Variants in NELL2 observed in about 807,000 individuals in gnomAD.
NELL2 encodes protein kinase C-binding protein NELL2.
Under a neutral mutation model 109.6 loss-of-function variants are expected in NELL2, and 41 were observed. That is an observed-to-expected ratio of 0.37 (90% confidence interval 0.29 to 0.49). NELL2 has a LOEUF of 0.49. Ranked by LOEUF, NELL2 falls within the 20% of genes least tolerant of loss-of-function variation. NELL2 has a pLI of 0.98. For synonymous variants in NELL2, 355 were observed against 344.7 expected (o/e 1.03, Z -0.33); for missense variants, 900 against 1,008.3 (o/e 0.89, Z 1.45).
intron 15 of NELL2, among the ~76,000 whole-genome samples, chr12:44,562,079 T>C (rs983266891): frequency 3.0e-4 from 46 of 152,190 alleles, no homozygotes; most frequent in Non-Finnish European, 2.4e-4. Flanking sequence ...GACTCCCTAT[T>C]TAATAAATGG....
At chr12:44,514,084 T>A (rs1941138949) in intron 19 of NELL2, among the ~76,000 whole-genome samples, 1 of 151,836 alleles carries the variant, frequency 6.6e-6, no homozygotes, top group Non-Finnish European at 1.5e-5. Context: ...AAATGATCAC[T>A]GTATCAGAAA....
intron 2 of NELL2, among the ~76,000 whole-genome samples, chr12:44,837,382 C>T (rs1371098675): frequency 6.6e-6 from 1 of 152,126 alleles, no homozygotes; most frequent in Non-Finnish European, 1.5e-5. Context: ...TAAAATGTCT[C>T]CAGACAATGC....
Position 44,866,000 on chromosome 12 carries a change from T to C in NELL2, c.184+9225A>G, listed in dbSNP as rs183705178. ...GTGGGGCCTTTTGGAAAGTCATGAG[T>C]GATCCACTTTCATGAATAAGATTAA... On this transcript the variant is annotated intron_variant, in intron 2 of 19. Transcript: ENST00000429094. Among the ~76,000 whole-genome samples, 4 of 152,020 alleles carry C rather than the reference T, an allele frequency of 2.6e-5. No individual in the cohort carries two copies. The South Asian group carries it at 6.2e-4, about 24-fold the overall frequency.
intron 11 of NELL2, among the ~76,000 whole-genome samples, chr12:44,710,410 A>G (rs1938132938): frequency 6.6e-6 from 1 of 152,142 alleles, no homozygotes. Context: ...CATACTAAGT[A>G]TTAAGGATAT....
At chr12:44,754,607 T>C (rs1427971476) in intron 9 of NELL2, among the ~76,000 whole-genome samples, 1 of 152,174 alleles carries the variant, frequency 6.6e-6, no homozygotes, top group Non-Finnish European at 1.5e-5. Flanking sequence ...CCTAGAAGCA[T>C]CACTACTGTT....
In NELL2 at chr12:44,705,809, C is replaced by A. The variant is rs191813295; in HGVS notation, c.1190-1955G>T. Among the ~76,000 whole-genome samples, 356 of 152,312 alleles carry A rather than the reference C, an allele frequency of 2.3e-3. 1 individual carries two copies. The highest frequency in any genetic ancestry group is 8.3e-3 in the African/African-American group (343 of 41,562). ...AAAGCTCTAACACAGTGCTAAATTT[C>A]TGCATAATTTTGCCTGTACTGTTTC... On this transcript the variant is annotated intron_variant, in intron 11 of 19. Transcript: ENST00000429094.
In NELL2 at chr12:44,508,433, A is replaced by G. The variant is rs1421002707; in HGVS notation, c.*501T>C. 1 of 152,722 alleles carries G rather than the reference A, an allele frequency of 6.5e-6. No individual in the cohort carries two copies. The highest frequency in any genetic ancestry group is 1.5e-5 in the Non-Finnish European group (1 of 68,130). The allele number at this position is 152,722 out of a possible 1,614,324, so 9.5% of individuals were successfully genotyped here. A position where few individuals can be genotyped will look rare whatever the true frequency, so the allele number is the denominator to read the frequency against. On this transcript the variant is annotated 3_prime_UTR_variant, in exon 20 of 20. Transcript: ENST00000429094. ...GTAACCATGCCTGTGCATTATTTTT[A>G]TCATTACAATAACTTGTTTCAGATT...
chr12:44,884,575 A>G (rs1175474198), intron 1 of NELL2, among the ~76,000 whole-genome samples: 1 of 152,088 alleles, frequency 6.6e-6, no homozygotes, highest in African/African-American at 2.4e-5. Context: ...AGACAAAGAC[A>G]GTTACATAAC....
chr12:44,674,032 G>C (rs1324999565), intron 12 of NELL2, among the ~76,000 whole-genome samples: 4 of 152,054 alleles, frequency 2.6e-5, no homozygotes, highest in African/African-American at 7.2e-5. Flanking sequence ...ATTCTAGCTG[G>C]AGAAAATAAC....
chr12:44,600,233 T>G (rs1418888693), intron 15 of NELL2, among the ~76,000 whole-genome samples: 2 of 150,576 alleles, frequency 1.3e-5, no homozygotes, highest in Admixed American at 6.6e-5. Context: ...ATGGTCTGGA[T>G]CTCCGGACCT....
chr12:44,547,380 C>T (rs773108606), intron 15 of NELL2, among the ~76,000 whole-genome samples: 4 of 152,056 alleles, frequency 2.6e-5, no homozygotes, highest in East Asian at 1.9e-4. Flanking sequence ...TAAAATGCTT[C>T]GGAAAATTCT....
At chr12:44,534,766 C>T (rs909323753) in intron 15 of NELL2, among the ~76,000 whole-genome samples, 8 of 151,972 alleles carry the variant, frequency 5.3e-5, no homozygotes, top group African/African-American at 1.2e-4. Context: ...TAGAGTCATT[C>T]GTTTTAGAAG....
intron 1 of NELL2, among the ~76,000 whole-genome samples, chr12:44,921,156 A>ATC (rs1945865357): frequency 6.6e-6 from 1 of 152,154 alleles, no homozygotes; most frequent in African/African-American, 2.4e-5. Context: ...GATTATTTAT[A>ATC]TCTATTTGGG....
intron 12 of NELL2, among the ~76,000 whole-genome samples, chr12:44,675,450 T>C (rs73100320): frequency 0.011 from 1,716 of 152,290 alleles, 18 homozygotes; most frequent in Non-Finnish European, 0.019. Context: ...GTGTTTCTTA[T>C]ACTTGAACAG....
intron 13 of NELL2, among the ~76,000 whole-genome samples, chr12:44,623,492 T>A (rs1375914180): frequency 6.6e-6 from 1 of 152,144 alleles, no homozygotes. Context: ...CATATTTTTT[T>A]AAAGAATTTA....
intron 9 of NELL2, among the ~76,000 whole-genome samples, chr12:44,751,928 A>G (rs1940670001): frequency 6.6e-6 from 1 of 152,062 alleles, no homozygotes; most frequent in Non-Finnish European, 1.5e-5. Context: ...CACAAAATAT[A>G]CACTCACACT....
chr12:44,846,484 C>T (rs1944373882), intron 2 of NELL2, among the ~76,000 whole-genome samples: 1 of 152,166 alleles, frequency 6.6e-6, no homozygotes, highest in Admixed American at 6.5e-5. Context: ...AGCATGGCTC[C>T]TCTGGAACCA....
intron 12 of NELL2, among the ~76,000 whole-genome samples, chr12:44,703,100 C>T (rs1222673579): frequency 6.6e-6 from 1 of 152,184 alleles, no homozygotes; most frequent in Non-Finnish European, 1.5e-5. Flanking sequence ...TCATAAATTA[C>T]CACATCTCAT....
chr12:44,549,383 G>A (rs1942936390), intron 15 of NELL2, among the ~76,000 whole-genome samples: 1 of 152,144 alleles, frequency 6.6e-6, no homozygotes, highest in Admixed American at 6.5e-5. Context: ...AGGGAAGAGG[G>A]GAAGGGTGGG....
Sources: allele counts gnomAD v4.1 joint callset (sites outside exome capture counted in the v4.1 genomes callset), GRCh38; gene constraint gnomAD v4.1.1; transcripts MANE v1.5; gene names NCBI Gene and HGNC (gene_info 2026-07-23, HGNC 2026-07-21).